The following REDIC1 variants were observed in gnomAD, a reference collection of about 807,000 sequenced individuals.
REDIC1 encodes the protein HEI10 Interacting Protein 1.
chr12:39,761,554 G>A, the REDIC1 span, among the ~76,000 whole-genome samples: 1 of 151,966 alleles, frequency 6.6e-6, no homozygotes, highest in Non-Finnish European at 1.5e-5. Flanking sequence ...TAAGATTAGT[G>A]TGACTAATTA....
the REDIC1 span, among the ~76,000 whole-genome samples, chr12:39,812,996 A>ATTTTTTTTTT: frequency 2.5e-3 from 101 of 40,614 alleles, 36 homozygotes; most frequent in African/African-American, 5.4e-3. Context: ...TGCCCAGCTA[A>ATTTTTTTTTT]TTTTTTTTTT....
chr12:39,882,686 A>G, the REDIC1 span, among the ~76,000 whole-genome samples: 46 of 152,166 alleles, frequency 3.0e-4, no homozygotes, highest in African/African-American at 1.1e-3. Context: ...CCTCATCACC[A>G]CCAAATCTAC....
chr12:39,716,523 A>G, the REDIC1 span, among the ~76,000 whole-genome samples: 4 of 152,062 alleles, frequency 2.6e-5, no homozygotes, highest in Non-Finnish European at 5.9e-5. Flanking sequence ...CTTACGTTAT[A>G]TACCCTTATT....
At chr12:39,860,063 G>T in the REDIC1 span, among the ~76,000 whole-genome samples, 2 of 152,192 alleles carry the variant, frequency 1.3e-5, no homozygotes, top group Non-Finnish European at 2.9e-5. Flanking sequence ...AGAAGCTGTT[G>T]TGTCGTTGGT....
the REDIC1 span, among the ~76,000 whole-genome samples, chr12:39,882,903 T>C: frequency 6.6e-6 from 1 of 152,212 alleles, no homozygotes; most frequent in African/African-American, 2.4e-5. Context: ...TTTCTATTTC[T>C]ATCATATTTC....
chr12:39,708,282 A>G, the REDIC1 span, among the ~76,000 whole-genome samples: 2 of 151,798 alleles, frequency 1.3e-5, no homozygotes, highest in African/African-American at 4.8e-5. Context: ...CCATAAATAT[A>G]TATGCCTACT....
At chr12:39,679,654 A>G in the REDIC1 span, among the ~76,000 whole-genome samples, 24 of 152,134 alleles carry the variant, frequency 1.6e-4, no homozygotes, top group Admixed American at 1.5e-3. Context: ...CCTAAAACTC[A>G]TATGCACCCC....
the REDIC1 span, among the ~76,000 whole-genome samples, chr12:39,886,768 C>T: frequency 1.4e-3 from 219 of 152,186 alleles, 1 homozygote; most frequent in East Asian, 0.029. Context: ...AAAAGAATAA[C>T]GGCTAATGGT....
the REDIC1 span, among the ~76,000 whole-genome samples, chr12:39,699,243 G>A: frequency 4.4e-3 from 676 of 152,272 alleles, no homozygotes; most frequent in Middle Eastern, 0.01. Flanking sequence ...GTGGGTGTGC[G>A]CACCATGCAT....
chr12:39,704,262 G>T, the REDIC1 span, among the ~76,000 whole-genome samples: 1 of 152,014 alleles, frequency 6.6e-6, no homozygotes, highest in African/African-American at 2.4e-5. Context: ...GTGGGCAAAG[G>T]ATATGAACAG....
chr12:39,706,621 T>A, the REDIC1 span, among the ~76,000 whole-genome samples: 2 of 151,702 alleles, frequency 1.3e-5, no homozygotes, highest in African/African-American at 4.8e-5. Context: ...ATGAGAACTA[T>A]AGTAACCAAA....
the REDIC1 span, among the ~76,000 whole-genome samples, chr12:39,655,886 G>C: frequency 2.0e-5 from 3 of 152,040 alleles, no homozygotes; most frequent in East Asian, 5.8e-4. Context: ...GGTTGTTTTT[G>C]CACATTTTGT....
At chr12:39,739,024 AATATT>A in the REDIC1 span, among the ~76,000 whole-genome samples, 1 of 151,576 alleles carries the variant, frequency 6.6e-6, no homozygotes. Flanking sequence ...ATGAAATAAA[AATATT>A]ATTTTATTAT....
At chr12:39,785,286 C>G in the REDIC1 span, among the ~76,000 whole-genome samples, 1 of 152,270 alleles carries the variant, frequency 6.6e-6, no homozygotes, top group South Asian at 2.1e-4. Context: ...CCCAGCTGCT[C>G]CAGCCACAGC....
At chr12:39,851,664 A>G in the REDIC1 span, among the ~76,000 whole-genome samples, 7 of 152,198 alleles carry the variant, frequency 4.6e-5, no homozygotes, top group Admixed American at 1.3e-4. Context: ...GAAAACACCA[A>G]TTATGCTAGA....
chr12:39,869,384 G>T, the REDIC1 span, among the ~76,000 whole-genome samples: 1 of 152,206 alleles, frequency 6.6e-6, no homozygotes, highest in Non-Finnish European at 1.5e-5. Flanking sequence ...ACAGGTAAAA[G>T]AGGAGACCTG....
chr12:39,812,873 C>T, the REDIC1 span, among the ~76,000 whole-genome samples: 932 of 140,886 alleles, frequency 6.6e-3, 5 homozygotes, highest in Non-Finnish European at 0.01. Context: ...CTCACTCTGT[C>T]ACCCAGGCTG....
chr12:39,727,388 C>T, the REDIC1 span, among the ~76,000 whole-genome samples: 1 of 152,130 alleles, frequency 6.6e-6, no homozygotes, highest in African/African-American at 2.4e-5. Context: ...GTTTTCACAA[C>T]AGCATTTATT....
chr12:39,678,014 A>C, the REDIC1 span, among the ~76,000 whole-genome samples: 1 of 152,160 alleles, frequency 6.6e-6, no homozygotes, highest in African/African-American at 2.4e-5. Flanking sequence ...TAGACAATCT[A>C]AGGTCACACC....
Sources: gnomAD v4.1 joint callset for allele counts (sites outside exome capture counted in the v4.1 genomes callset) on GRCh38, gnomAD v4.1.1 for gene constraint, MANE v1.5 for transcripts, NCBI Gene and HGNC (gene_info 2026-07-23, HGNC 2026-07-21) for gene names.